Variants in RHOT1 observed in about 807,000 individuals in gnomAD.
The protein encoded by RHOT1 is ras homolog family member T1.
RHOT1 carries 27 observed loss-of-function variants against 95.3 expected under a neutral mutation model. The ratio of observed to expected loss-of-function variants is 0.28; its 90% confidence interval spans 0.21 to 0.39. The LOEUF is 0.39. Ranked by LOEUF, RHOT1 falls within the 10% of genes least tolerant of loss-of-function variation. The pLI is 1.00. For missense variants in RHOT1, 578 were observed against 786.7 expected, an observed-to-expected ratio of 0.73 and a Z score of 3.17; for synonymous variants, 227 against 263.5, an observed-to-expected ratio of 0.86 and a Z score of 1.34.
chr17:32,202,704 G>T (rs1229757533), intron 14 of RHOT1, 66 bp from the exon 15 acceptor site: 24 of 1,235,500 alleles, frequency 1.9e-5, no homozygotes, highest in Non-Finnish European at 2.6e-5. Flanking sequence ...GCAAAAGGTG[G>T]AATGGAGGCT....
chr17:32,190,282 C>T (rs889015752), intron 8 of RHOT1, among the ~76,000 whole-genome samples: 9 of 151,952 alleles, frequency 5.9e-5, no homozygotes, highest in African/African-American at 2.2e-4. Flanking sequence ...GGTGAAACCC[C>T]GTCTCTACTA....
chr17:32,204,199 A>G (rs2037534212), intron 16 of RHOT1, among the ~76,000 whole-genome samples: 1 of 152,138 alleles, frequency 6.6e-6, no homozygotes, highest in African/African-American at 2.4e-5. Flanking sequence ...GACTGCAGGC[A>G]TGTGCCACCA....
intron 10 of RHOT1, 40 bp from the exon 11 acceptor site, chr17:32,193,947 T>A: frequency 6.2e-7 from 1 of 1,601,740 alleles, no homozygotes; most frequent in Non-Finnish European, 8.5e-7. Context: ...TTCTCCTATG[T>A]GACTCTGTAC....
chr17:32,210,390 G>A (rs1567724735), intron 18 of RHOT1, among the ~76,000 whole-genome samples: 1 of 152,158 alleles, frequency 6.6e-6, no homozygotes, highest in East Asian at 1.9e-4. Flanking sequence ...GAGTCAGAAA[G>A]CCTCCCTAAA....
chr17:32,169,843 T>C (rs1339259266), intron 1 of RHOT1, among the ~76,000 whole-genome samples: 6 of 151,680 alleles, frequency 4.0e-5, no homozygotes, highest in African/African-American at 1.2e-4. Context: ...CTGTCCCTAT[T>C]AAAAATACAA....
chr17:32,186,806 G>T (rs1479862464), intron 8 of RHOT1, among the ~76,000 whole-genome samples: 3 of 152,082 alleles, frequency 2.0e-5, no homozygotes, highest in African/African-American at 4.8e-5. Context: ...GACTACAGGT[G>T]CATGCCACCA....
intron 16 of RHOT1, 67 bp downstream of exon 16, chr17:32,204,040 A>T: frequency 9.1e-7 from 1 of 1,102,346 alleles, no homozygotes. Context: ...CTCTTTGAAA[A>T]CAAATTGGCT....
At chr17:32,146,548 C>CCAGCCTCCTGCCT (rs2031362276) in intron 1 of RHOT1, among the ~76,000 whole-genome samples, 1 of 147,682 alleles carries the variant, frequency 6.8e-6, no homozygotes, top group African/African-American at 2.5e-5. Flanking sequence ...CAGGTTCAGG[C>CCAGCCTCCTGCCT]CAGTCTCCTG....
chr17:32,197,599 T>C (rs2036995342), intron 11 of RHOT1, among the ~76,000 whole-genome samples: 2 of 151,892 alleles, frequency 1.3e-5, no homozygotes, highest in South Asian at 4.1e-4. Context: ...CTAATTTTTT[T>C]TTGTATTTTT....
At chr17:32,148,546 C>G (rs1424672060) in intron 1 of RHOT1, among the ~76,000 whole-genome samples, 1 of 152,178 alleles carries the variant, frequency 6.6e-6, no homozygotes, top group East Asian at 1.9e-4. Flanking sequence ...AGCTTTTGTT[C>G]TGCAGGCCAC....
chr17:32,146,274 G>T (rs1452380800), intron 1 of RHOT1, among the ~76,000 whole-genome samples: 1 of 152,098 alleles, frequency 6.6e-6, no homozygotes, highest in African/African-American at 2.4e-5. Flanking sequence ...CTTCCTTCTT[G>T]CTGTATCCCC....
chr17:32,150,901 G>C (rs2032198900), intron 1 of RHOT1: 19 of 1,547,204 alleles, frequency 1.2e-5, no homozygotes, highest in Non-Finnish European at 1.6e-5. Flanking sequence ...GGATGTTCTG[G>C]GGGAGGTGGG....
At chr17:32,219,949 C>A (rs1017714136) in intron 19 of RHOT1, among the ~76,000 whole-genome samples, 1 of 152,110 alleles carries the variant, frequency 6.6e-6, no homozygotes, top group African/African-American at 2.4e-5. Flanking sequence ...GAAAAAAAAC[C>A]TTTATACATA....
intron 3 of RHOT1, among the ~76,000 whole-genome samples, chr17:32,174,877 G>C (rs193055352): frequency 5.5e-4 from 84 of 152,274 alleles, no homozygotes; most frequent in African/African-American, 1.6e-3. Flanking sequence ...TCAAGCTACA[G>C]TTTTGCCTCT....
intron 1 of RHOT1, among the ~76,000 whole-genome samples, chr17:32,157,268 A>G (rs926028915): frequency 1.3e-5 from 2 of 152,210 alleles, no homozygotes; most frequent in Non-Finnish European, 2.9e-5. Flanking sequence ...ACCAAGCTAT[A>G]CAGCTGCATT....
chr17:32,194,213 C>A, intron 11 of RHOT1, 106 bp downstream of exon 11: 28 of 1,188,578 alleles, frequency 2.4e-5, no homozygotes, highest in Non-Finnish European at 3.3e-5. Context: ...TCAAGTGATC[C>A]TCCCACCTTG....
intron 1 of RHOT1, 93 bp from the exon 2 acceptor site, chr17:32,170,950 G>A (rs1263138400): frequency 1.4e-6 from 1 of 699,856 alleles, no homozygotes; most frequent in Non-Finnish European, 2.5e-6. Context: ...TTAGATTTTA[G>A]CTAATGAGTA....
chr17:32,161,810 C>T (rs1379139147), intron 1 of RHOT1, among the ~76,000 whole-genome samples: 4 of 152,222 alleles, frequency 2.6e-5, no homozygotes, highest in Admixed American at 2.6e-4. Flanking sequence ...GCCTGACCAA[C>T]CACAAATTCA....
chr17:32,222,438 T>C (rs969746168), intron 19 of RHOT1, among the ~76,000 whole-genome samples: 5 of 152,216 alleles, frequency 3.3e-5, no homozygotes, highest in Admixed American at 3.3e-4. Context: ...ATGGTATTGG[T>C]TTAAAGGACT....
Sources: gnomAD v4.1 joint callset for allele counts (sites outside exome capture counted in the v4.1 genomes callset) on GRCh38, gnomAD v4.1.1 for gene constraint, MANE v1.5 for transcripts, NCBI Gene and HGNC (gene_info 2026-07-23, HGNC 2026-07-21) for gene names.